Variants in SYPL1 observed in about 807,000 individuals in gnomAD.
SYPL1 encodes synaptophysin like 1.
In SYPL1, 6 loss-of-function variants were observed where a neutral mutation model predicts 23.7. That is an observed-to-expected ratio of 0.25 (90% CI 0.14 to 0.50). The LOEUF (loss-of-function observed/expected upper bound fraction) is 0.50. Ranked by LOEUF, SYPL1 falls within the 20% of genes least tolerant of loss-of-function variation. SYPL1 has a pLI of 0.98. For missense variants in SYPL1, 253 were observed against 288.9 expected, an observed-to-expected ratio of 0.88 and a Z score of 0.90; for synonymous variants, 102 against 104.5, an observed-to-expected ratio of 0.98 and a Z score of 0.15.
intron 1 of SYPL1, among the ~76,000 whole-genome samples, chr7:106,110,252 A>C (rs1437754362): frequency 1.3e-5 from 2 of 152,200 alleles, no homozygotes; most frequent in Non-Finnish European, 2.9e-5. Flanking sequence ...TTAAGTTCTC[A>C]TACAGGGTTA....
At chr7:106,112,407 A>ACGGAGTGGGGCGGCTGGGGAGGCGAGGGG, upstream of SYPL1, 1 of 1,260,220 alleles carries the variant, frequency 7.9e-7, no homozygotes, top group Non-Finnish European at 1.0e-6. Context: ...TGGGGCGGAA[A>ACGGAGTGGGGCGGCTGGGGAGGCGAGGGG]CGGAGTGGGG....
Position 106,090,906 on chromosome 7 carries a change from T to C in SYPL1, c.*899A>G, listed in dbSNP as rs1262998501. ...AACTTCATTGACTCTCAATGGTAAATTTCAAACATGGAAAGCAATCTTAAT... is the reference window on the plus strand; with the variant it reads ...AACTTCATTGACTCTCAATGGTAAACTTCAAACATGGAAAGCAATCTTAAT... On this transcript the variant is annotated 3_prime_UTR_variant, in exon 5 of 5. Coordinates refer to ENST00000455385, the MANE Select transcript of SYPL1 (RefSeq NM_182715.4). 2 of 152,192 alleles carry C rather than the reference T, an allele frequency of 1.3e-5. No homozygotes were observed. The highest frequency in any genetic ancestry group is 4.8e-5 in the African/African-American group (2 of 41,446). 9.4% of individuals were successfully genotyped at this position (152,192 alleles called of 1,614,324 possible). A position where few individuals can be genotyped will look rare whatever the true frequency, so the allele number is the denominator to read the frequency against.
chr7:106,092,066 A>C, intron 4 of SYPL1, 127 bp from the exon 5 acceptor site: 1 of 859,056 alleles, frequency 1.2e-6, no homozygotes, highest in Non-Finnish European at 1.7e-6. Context: ...TTTCACTTAA[A>C]GTTTAATACT....
Position 106,109,155 on chromosome 7 carries a change from A to G in SYPL1, c.69+2985T>C, listed in dbSNP as rs2116212832. Among the ~76,000 whole-genome samples the G allele has an allele frequency of 6.6e-6, 1 of 152,386 alleles. No homozygotes were observed. The highest frequency in any genetic ancestry group is 6.5e-5 in the Admixed American group (1 of 15,310). On this transcript the variant is annotated intron_variant, in intron 1 of 4. Transcript: ENST00000455385. The surrounding 1 kb of genome is among the most constrained non-coding windows in gnomAD (Gnocchi z 4.3). Reference sequence around the variant, plus strand: ...TCTTGTCAGTAGGATAAAATGGGAAATGCAAATAAAGACTTTTGTTGCATA... The same window carrying G: ...TCTTGTCAGTAGGATAAAATGGGAAGTGCAAATAAAGACTTTTGTTGCATA...
In SYPL1 at chr7:106,112,191, G is replaced by T. The variant is rs1275624860; in HGVS notation, c.18C>A (p.Ile6=). 1 of 1,544,290 alleles carries T rather than the reference G, an allele frequency of 6.5e-7. No homozygotes were observed. Among genetic ancestry groups the T allele is most frequent in the Admixed American group, 1.8e-5 (1 of 56,064 alleles). Residue 6 remains isoleucine, a synonymous_variant, in exon 1 of 5, where the codon ATC becomes ATA. Coordinates refer to ENST00000455385, the MANE Select transcript of SYPL1 (RefSeq NM_182715.4). MSGFQ[I]NLNPLKEPLG... Reference sequence around the variant, plus strand: ...GTGGCTCCTTGAGCGGGTTGAGGTTGATCTGGAAGCCGGACATCCTCTGAG... The same window carrying T: ...GTGGCTCCTTGAGCGGGTTGAGGTTTATCTGGAAGCCGGACATCCTCTGAG...
intron 1 of SYPL1, among the ~76,000 whole-genome samples, chr7:106,101,168 T>C (rs1285817204): frequency 6.6e-6 from 1 of 152,174 alleles, no homozygotes; most frequent in Non-Finnish European, 1.5e-5. Flanking sequence ...ACTCTATTTC[T>C]GCTCTGTTCT....
At chr7:106,099,349 G>A (rs2116128198) in intron 1 of SYPL1, 67 bp from the exon 2 acceptor site, 2 of 1,529,708 alleles carry the variant, frequency 1.3e-6, no homozygotes, top group East Asian at 2.3e-5. Context: ...CCAAAACAAG[G>A]GTCACTAAAA....
chr7:106,112,472 G>A (rs553750684), upstream of SYPL1: 416 of 1,510,468 alleles, frequency 2.8e-4, 3 homozygotes, highest in South Asian at 4.1e-3. Context: ...TTCTCCTCAG[G>A]CCGCACCTGG....
chr7:106,093,038 T>C lies in SYPL1; in HGVS notation c.502A>G (p.Ile168Val), dbSNP rs1223499313. The C allele has an allele frequency of 1.2e-6, 2 of 1,613,858 alleles. No individual in the cohort carries two copies. The highest frequency in any genetic ancestry group is 8.5e-7 in the Non-Finnish European group (1 of 1,179,934). Residue 168 changes from isoleucine (I) to valine (V), a missense_variant, in exon 4 of 5, where the codon ATT becomes GTT. Transcript: ENST00000455385. Reference protein sequence around the residue: ...TDIKIATGHNIIDELPPCKKK... With the variant: ...TDIKIATGHNVIDELPPCKKK... ...TTACAAGGCGGAAGTTCATCAATAA[T>C]ATTGTGACCAGTAGCTATTTTAATA...
chr7:106,098,761 C>T (rs1460945418), intron 2 of SYPL1, among the ~76,000 whole-genome samples: 1 of 152,132 alleles, frequency 6.6e-6, no homozygotes, highest in Admixed American at 6.5e-5. Flanking sequence ...CATTAATATT[C>T]AGCAATTACA....
At chr7:106,112,419 G>A (rs1790219181), upstream of SYPL1, 3 of 1,411,702 alleles carry the variant, frequency 2.1e-6, no homozygotes, top group African/African-American at 1.5e-5. Flanking sequence ...GGAGTGGGGC[G>A]GCTGGGGAGG....
In SYPL1 at chr7:106,104,283, CCTGTAATTCCAA is replaced by C. The variant is rs1840475068; in HGVS notation, c.70-5013_70-5002del. 6.6e-6 allele frequency among the ~76,000 whole-genome samples: 1 copy of C among 152,092 alleles called. No homozygotes were observed. The highest frequency in any genetic ancestry group is 6.5e-5 in the Admixed American group (1 of 15,270). On this transcript the variant is annotated intron_variant, in intron 1 of 4. Transcript: ENST00000455385. This position sits in a 1 kb window ranked among gnomAD's most constrained non-coding sequence, Gnocchi z 4.1. ...ATGGGGCCGGGTGCAGTGGCTTATGCCTGTAATTCCAACACTTTGGGAGGCCGTGGCAGGAGG... is the reference window on the plus strand; with the variant it reads ...ATGGGGCCGGGTGCAGTGGCTTATGCCACTTTGGGAGGCCGTGGCAGGAGG...
intron 1 of SYPL1, 57 bp from the exon 2 acceptor site, chr7:106,099,339 C>T (rs1273158606): frequency 1.3e-6 from 2 of 1,559,310 alleles, no homozygotes; most frequent in East Asian, 4.5e-5. Flanking sequence ...AATACTACAA[C>T]CAAAACAAGG....
At position 106,100,086 on chromosome 7, in the gene SYPL1, A is replaced by C. The variant is rs1226983527; in HGVS notation, c.70-804T>G. 1.3e-5 allele frequency among the ~76,000 whole-genome samples: 2 copies of C among 152,242 alleles called. No individual in the cohort carries two copies. The highest frequency in any genetic ancestry group is 1.3e-4 in the Admixed American group (2 of 15,282). On this transcript the variant is annotated intron_variant, in intron 1 of 4. Coordinates refer to ENST00000455385, the MANE Select transcript of SYPL1 (RefSeq NM_182715.4). The surrounding 1 kb of genome is among the most constrained non-coding windows in gnomAD (Gnocchi z 5.1). ...AATTGGAGGTATTTTTATTTGGAACACAAGTTACCAGTAATTTGTAAAGCC... is the reference window on the plus strand; with the variant it reads ...AATTGGAGGTATTTTTATTTGGAACCCAAGTTACCAGTAATTTGTAAAGCC...
At position 106,099,233 on chromosome 7, in the gene SYPL1, G is replaced by T. The variant is rs200414143; in HGVS notation, c.119C>A (p.Thr40Lys). 5 of 1,613,962 alleles carry T rather than the reference G, an allele frequency of 3.1e-6. No homozygotes were observed. The highest frequency in any genetic ancestry group is 1.1e-5 in the South Asian group (1 of 91,062). Reference protein sequence around the residue: ...FATCGGFKGQTEIQVNCPPAV... With the variant: ...FATCGGFKGQKEIQVNCPPAV... ...AGGAGGACAATTCACTTGAATTTCT[G>T]TTTGGCCCTTAAAACCTCCACAGGT... The change falls in exon 2 of 5, where the codon ACA (threonine) becomes AAA (lysine). Residue 40 changes from threonine to lysine, a missense_variant. Transcript: ENST00000455385.
In SYPL1 at chr7:106,091,232, A is replaced by T. The variant is rs1220593035; in HGVS notation, c.*573T>A. 1 of 152,214 alleles carries T rather than the reference A, an allele frequency of 6.6e-6. No homozygotes were observed. Among genetic ancestry groups the T allele is most frequent in the East Asian group, 1.9e-4 (1 of 5,200 alleles). The allele number at this position is 152,214 out of a possible 1,614,324, so 9.4% of individuals were successfully genotyped here. On this transcript the variant is annotated 3_prime_UTR_variant, in exon 5 of 5. Coordinates refer to ENST00000455385, the MANE Select transcript of SYPL1 (RefSeq NM_182715.4). The surrounding 1 kb of genome is among the most constrained non-coding windows in gnomAD (Gnocchi z 5.0). Reference sequence around the variant, plus strand: ...CTCCCAACACAATTTTAGTACACCTATTAAGTACCACGGGTCATTTAGAAA... The same window carrying T: ...CTCCCAACACAATTTTAGTACACCTTTTAAGTACCACGGGTCATTTAGAAA...
Position 106,093,706 on chromosome 7 carries a change from T to C in SYPL1, c.403-569A>G, listed in dbSNP as rs1839878892. ...CTTGCACATACTCTCAACTCACTTA[T>C]CCTTCTTCTGCAAAACTCTAACTTT... is the stretch of plus-strand genomic sequence containing the variant. On this transcript the variant is annotated intron_variant, in intron 3 of 4. Coordinates refer to ENST00000455385, the MANE Select transcript of SYPL1 (RefSeq NM_182715.4). Among the ~76,000 whole-genome samples, 3 of 127,122 alleles carry C rather than the reference T, an allele frequency of 2.4e-5. 1 individual carries two copies. Among genetic ancestry groups the C allele is most frequent in the African/African-American group, 7.4e-5 (3 of 40,454 alleles). 83.4% of individuals were successfully genotyped at this position (127,122 alleles called of 152,430 possible).
intron 1 of SYPL1, among the ~76,000 whole-genome samples, chr7:106,107,239 T>G (rs1840650073): frequency 6.8e-6 from 1 of 147,762 alleles, no homozygotes; most frequent in Non-Finnish European, 1.5e-5. Context: ...AGCCAAGGTA[T>G]GATTTTTATG....
At position 106,090,952 on chromosome 7, in the gene SYPL1, G is replaced by C. The variant is rs946259475; in HGVS notation, c.*853C>G. The C allele has an allele frequency of 2.0e-5, 3 of 152,018 alleles. No individual in the cohort carries two copies. Among genetic ancestry groups the C allele is most frequent in the African/African-American group, 7.2e-5 (3 of 41,380 alleles). 9.4% of individuals were successfully genotyped at this position (152,018 alleles called of 1,614,324 possible). A position where few individuals can be genotyped will look rare whatever the true frequency, so the allele number is the denominator to read the frequency against. ...TTAATTTTTTTAACCCTTTGACTAG[G>C]GTCTGTAAAAAACGGTGGATTATTT... On this transcript the variant is annotated 3_prime_UTR_variant, in exon 5 of 5. Transcript: ENST00000455385.
Sources: gnomAD v4.1 joint callset for allele counts (sites outside exome capture counted in the v4.1 genomes callset) on GRCh38, gnomAD v4.1.1 for gene constraint, Gnocchi (gnomAD v3.1) non-coding constraint, MANE v1.5 for transcripts, NCBI Gene and HGNC (gene_info 2026-07-23, HGNC 2026-07-21) for gene names.